Variants in PRDM8 observed in about 807,000 individuals in gnomAD.
PRDM8 encodes PR domain zinc finger protein 8.
Under a neutral mutation model 46.5 loss-of-function variants are expected in PRDM8, and 13 were observed. The ratio of observed to expected loss-of-function variants is 0.28; its 90% CI spans 0.18 to 0.44. PRDM8 has a LOEUF of 0.44. Ranked by LOEUF, PRDM8 falls within the 20% of genes least tolerant of loss-of-function variation. The pLI, the probability that PRDM8 is intolerant of heterozygous loss-of-function variation, is 1.00. For synonymous variants in PRDM8, 473 were observed against 438.4 expected (o/e 1.08, Z -0.98); for missense variants, 998 against 955.0 (o/e 1.04, Z -0.59).
In PRDM8 at chr4:80,202,310, T is replaced by TCAGCAGCGGTAG; in HGVS notation, c.850_861dup (p.Ser284_Ser287dup). The TCAGCAGCGGTAG allele has an allele frequency of 6.9e-6, 11 of 1,601,894 alleles. No homozygotes were observed. The highest frequency in any genetic ancestry group is 9.4e-6 in the Non-Finnish European group (11 of 1,175,794). On this transcript the variant is annotated inframe_insertion, in exon 4 of 4. Coordinates refer to ENST00000415738, the MANE Select transcript of PRDM8 (RefSeq NM_001099403.2). ...AGCAGCTGCTCCCCAGCCCAGAGCC[T>TCAGCAGCGGTAG]CAGCAGCGGTAGCGGCAGCGGCGGC... is the stretch of plus-strand genomic sequence containing the variant.
chr4:80,197,347 G>T, upstream of PRDM8: 9 of 963,036 alleles, frequency 9.3e-6, no homozygotes, highest in Non-Finnish European at 1.1e-5. Context: ...CAGGATCTGC[G>T]GGGCGCGGGC....
At chr4:80,193,302 G>A (rs1196200858), upstream of PRDM8, among the ~76,000 whole-genome samples, 2 of 152,128 alleles carry the variant, frequency 1.3e-5, no homozygotes, top group African/African-American at 4.8e-5. Flanking sequence ...AACTGAGTTT[G>A]CAATGTATAC....
At chr4:80,187,253 G>C (rs1737186153) in intron 1 of PRDM8, among the ~76,000 whole-genome samples, 1 of 140,666 alleles carries the variant, frequency 7.1e-6, no homozygotes, top group African/African-American at 2.7e-5. Context: ...CTGGGGCGGG[G>C]GGAAGCAGAA....
upstream of PRDM8, chr4:80,196,213 C>T: frequency 1.1e-6 from 1 of 911,116 alleles, no homozygotes; most frequent in Non-Finnish European, 1.3e-6. Flanking sequence ...TGTGGTTCTG[C>T]CTCCTCCACT....
chr4:80,200,291 A>C lies in PRDM8; in HGVS notation c.211A>C (p.Ile71Leu). 6.2e-7 allele frequency: 1 copy of C among 1,612,132 alleles called. No homozygotes were observed. The change falls in exon 2 of 4, where the codon ATC (isoleucine) becomes CTC (leucine). Residue 71 changes from isoleucine (I) to leucine (L), a missense_variant. Ile to Leu is a conservative substitution (Grantham distance 5, BLOSUM62 2). Coordinates refer to ENST00000415738, the MANE Select transcript of PRDM8 (RefSeq NM_001099403.2). Reference sequence around the variant, plus strand: ...TACTGACAAGAGAACAGTACCGTATATCTTTCGGGTAAGTCTCCACTGTAG... The same window carrying C: ...TACTGACAAGAGAACAGTACCGTATCTCTTTCGGGTAAGTCTCCACTGTAG... ...KSTDKRTVPY[I>L]FRVDTSAANG...
intron 1 of PRDM8, among the ~76,000 whole-genome samples, chr4:80,188,470 AC>A (rs1163042393): frequency 6.6e-6 from 1 of 152,204 alleles, no homozygotes; most frequent in East Asian, 1.9e-4. Flanking sequence ...AGGCTTCATA[AC>A]CACTCTATGA....
At chr4:80,190,790 G>A (rs563367726) in intron 1 of PRDM8, among the ~76,000 whole-genome samples, 52 of 152,316 alleles carry the variant, frequency 3.4e-4, no homozygotes, top group South Asian at 1.0e-3. Flanking sequence ...GGGCCTTGAG[G>A]AGGAGCAGCT....
In PRDM8 at chr4:80,203,020, C is replaced by A; in HGVS notation, c.1558C>A (p.Leu520Met). ...GTCCCCGCTGGTGCTGGGCCAGAAG[C>A]TGGGCGCGCTCGAGCCATGCCACCC... ...QLSPLVLGQKLGALEPCHPAD... is the reference protein window; with the variant it reads ...QLSPLVLGQKMGALEPCHPAD... Residue 520 changes from leucine (L) to methionine (M), a missense_variant, in exon 4 of 4, where the codon CTG becomes ATG. Leu to Met is a conservative substitution (Grantham distance 15). Coordinates refer to ENST00000415738, the MANE Select transcript of PRDM8 (RefSeq NM_001099403.2). 1 of 1,531,128 alleles carries A rather than the reference C, an allele frequency of 6.5e-7. No individual in the cohort carries two copies. The highest frequency in any genetic ancestry group is 8.7e-7 in the Non-Finnish European group (1 of 1,148,398). The allele number at this position is 1,531,128 out of a possible 1,614,324, so 94.8% of individuals were successfully genotyped here.
chr4:80,203,647 A>G lies in PRDM8; in HGVS notation c.*115A>G, dbSNP rs917631398. 2.1e-6 allele frequency: 3 copies of G among 1,423,624 alleles called. No homozygotes were observed. The South Asian group carries it at 4.4e-5, about 21-fold the overall frequency. 88.2% of individuals were successfully genotyped at this position (1,423,624 alleles called of 1,614,324 possible). ...GCACCCCGAAACCCTGCACAAAGAC[A>G]CATACATTCACCGCCCCCCCGCCCC... On this transcript the variant is annotated 3_prime_UTR_variant, in exon 4 of 4. Transcript: ENST00000415738.
chr4:80,186,643 C>T (rs1370574666), intron 1 of PRDM8, among the ~76,000 whole-genome samples: 1 of 152,160 alleles, frequency 6.6e-6, no homozygotes, highest in African/African-American at 2.4e-5. Context: ...CACAGCTACA[C>T]CCTGGCCTCT....
upstream of PRDM8, chr4:80,195,972 A>G (rs1447933321): frequency 2.4e-5 from 16 of 672,800 alleles, no homozygotes; most frequent in Non-Finnish European, 2.7e-5. Flanking sequence ...AAGGAAGAAC[A>G]TGAACTTCAT....
chr4:80,198,982 T>A (rs1284105739), intron 1 of PRDM8, among the ~76,000 whole-genome samples: 1 of 103,190 alleles, frequency 9.7e-6, no homozygotes, highest in Admixed American at 1.1e-4. Flanking sequence ...TTTTTTGGGT[T>A]TTTTTTTTTT....
At chr4:80,201,598 G>A in intron 3 of PRDM8, 77 bp downstream of exon 3, 2 of 1,389,172 alleles carry the variant, frequency 1.4e-6, no homozygotes, top group Admixed American at 1.9e-5. Context: ...GGCTCACCCG[G>A]CGCGTTGGCG....
chr4:80,193,790 T>G (rs1002557989), upstream of PRDM8, among the ~76,000 whole-genome samples: 9 of 146,482 alleles, frequency 6.1e-5, no homozygotes, highest in Admixed American at 2.7e-4. Context: ...AGTGTGTGGG[T>G]TTTTTCCCCC....
rs763787437 is a variant in PRDM8 at position 80,203,258 on chromosome 4, G to A, written c.1796G>A (p.Gly599Glu). Residue 599 changes from glycine (G) to glutamate (E), a missense_variant, in exon 4 of 4, where the codon GGG becomes GAG. Coordinates refer to ENST00000415738, the MANE Select transcript of PRDM8 (RefSeq NM_001099403.2). The part of the protein sequence containing the change: ...AAAAAAAAAA[G>E]PLQLQLPSAL... ...GCCGCGGCTGCGGCGGCGGCCGCGG[G>A]GCCCTTGCAGCTGCAGCTGCCCTCG... is the stretch of plus-strand genomic sequence containing the variant. 4.5e-6 allele frequency: 7 copies of A among 1,572,978 alleles called. No individual in the cohort carries two copies. In the South Asian group the frequency reaches 6.9e-5, roughly 16 times the overall value.
upstream of PRDM8, chr4:80,196,607 C>A (rs1458044): frequency 0.073 from 72,037 of 985,260 alleles, 2,792 homozygotes; most frequent in Non-Finnish European, 0.08. Flanking sequence ...TCTTGGTAAT[C>A]ATTTTTATTT....
chr4:80,190,427 T>G (rs778883706), intron 1 of PRDM8, among the ~76,000 whole-genome samples: 10 of 152,248 alleles, frequency 6.6e-5, no homozygotes, highest in Admixed American at 2.0e-4. Flanking sequence ...GTTTGCGCAC[T>G]GTGCGTCTAC....
chr4:80,202,288 A>T lies in PRDM8; in HGVS notation c.826A>T (p.Ser276Cys), dbSNP rs1738547366. 6.2e-7 allele frequency: 1 copy of T among 1,608,400 alleles called. No individual in the cohort carries two copies. Residue 276 changes from serine (S) to cysteine (C), a missense_variant, in exon 4 of 4, where the codon AGC becomes TGC. Coordinates refer to ENST00000415738, the MANE Select transcript of PRDM8 (RefSeq NM_001099403.2). ...RELENSRGGSSCSPAQSLSSG... is the reference protein window; with the variant it reads ...RELENSRGGSCCSPAQSLSSG... ...GCTGGAAAACTCCCGGGGAGGCAGC[A>T]GCTGCTCCCCAGCCCAGAGCCTCAG...
At chr4:80,194,697 A>T (rs533851050), upstream of PRDM8, among the ~76,000 whole-genome samples, 25 of 152,352 alleles carry the variant, frequency 1.6e-4, no homozygotes, top group African/African-American at 6.0e-4. Flanking sequence ...GGTCAGATTC[A>T]TAAAATGTGA....
Sources: gnomAD v4.1 joint callset for allele counts (sites outside exome capture counted in the v4.1 genomes callset) on GRCh38, gnomAD v4.1.1 for gene constraint, MANE v1.5 for transcripts, NCBI Gene and HGNC (gene_info 2026-07-23, HGNC 2026-07-21) for gene names.